Variants in PCDHGB2 observed in about 807,000 individuals in gnomAD.
PCDHGB2 encodes protocadherin gamma subfamily B, 2, also known as protocadherin gamma-B2.
PCDHGB2 carries 55 observed loss-of-function variants against 59.3 expected under a neutral mutation model. The observed-to-expected ratio is 0.93, with a 90% CI of 0.75 to 1.16. PCDHGB2 has a LOEUF of 1.16. Among genes scored for constraint, PCDHGB2 ranks in the 50% most tolerant of loss-of-function variants. The probability of loss-of-function intolerance (pLI) is 0.00; values close to 1 mark genes in which losing one functional copy is unlikely to be tolerated. For synonymous variants in PCDHGB2, 516 were observed against 512.0 expected, an observed-to-expected ratio of 1.01 and a Z score of -0.11; for missense variants, 1,228 against 1,198.5, an observed-to-expected ratio of 1.02 and a Z score of -0.36.
rs1308015959 is a variant in PCDHGB2, at chr5:141,482,105, AT to A, written c.2422-12701del. Among the ~76,000 whole-genome samples, 417 of 143,332 alleles carry A rather than the reference AT, an allele frequency of 2.9e-3. 1 individual carries two copies. The highest frequency in any genetic ancestry group is 0.011 in the African/African-American group (394 of 37,394). 94.0% of individuals were successfully genotyped at this position (143,332 alleles called of 152,430 possible). Reference sequence around the variant, plus strand: ...ACTCCATCTCAAAAAAAAAAAAAAAATATCTAGAGATGGGAGAATCATATGG... The same window carrying A: ...ACTCCATCTCAAAAAAAAAAAAAAAAATCTAGAGATGGGAGAATCATATGG... On this transcript the variant is annotated intron_variant, in intron 1 of 3. Coordinates refer to ENST00000522605, the MANE Select transcript of PCDHGB2 (RefSeq NM_018923.3).
At chr5:141,408,716 A>G in intron 1 of PCDHGB2, 2 of 1,611,732 alleles carry the variant, frequency 1.2e-6, no homozygotes, top group East Asian at 2.2e-5. Context: ...AGATTATAAG[A>G]TAAACTCTAA....
At chr5:141,395,259 C>CT in intron 1 of PCDHGB2, 1 of 1,551,968 alleles carries the variant, frequency 6.4e-7, no homozygotes, top group Non-Finnish European at 8.7e-7. Flanking sequence ...TCTTTGCTTG[C>CT]TTTTAATTTC....
At chr5:141,410,085 C>T (rs533911183) in intron 1 of PCDHGB2, 29 of 1,612,476 alleles carry the variant, frequency 1.8e-5, no homozygotes, top group South Asian at 1.1e-5. Flanking sequence ...GAGGTGCGCA[C>T]GGCTCGAGCC....
At chr5:141,437,459 C>T (rs749625924) in intron 1 of PCDHGB2, among the ~76,000 whole-genome samples, 1 of 152,140 alleles carries the variant, frequency 6.6e-6, no homozygotes, top group Admixed American at 6.5e-5. Context: ...GGAGACTATA[C>T]TATACTTTTA....
At chr5:141,444,434 G>A (rs761353277) in intron 1 of PCDHGB2, among the ~76,000 whole-genome samples, 16 of 152,196 alleles carry the variant, frequency 1.1e-4, no homozygotes, top group Admixed American at 7.2e-4. Flanking sequence ...GCCTCCCAAA[G>A]TGCTGGGATT....
At chr5:141,439,077 C>T (rs978045948) in intron 1 of PCDHGB2, among the ~76,000 whole-genome samples, 1 of 151,492 alleles carries the variant, frequency 6.6e-6, no homozygotes, top group Non-Finnish European at 1.5e-5. Flanking sequence ...CCTGTAATCC[C>T]AGCTACTCAG....
intron 1 of PCDHGB2, among the ~76,000 whole-genome samples, chr5:141,465,396 C>A (rs2099102528): frequency 6.6e-6 from 1 of 152,054 alleles, no homozygotes; most frequent in Admixed American, 6.6e-5. Context: ...AAAAACAAGT[C>A]AGAAGAAGCC....
At chr5:141,415,709 C>A in intron 1 of PCDHGB2, 1 of 1,092,276 alleles carries the variant, frequency 9.2e-7, no homozygotes, top group Non-Finnish European at 1.3e-6. Context: ...AATGCTAAAA[C>A]ACTGATGAGT....
intron 1 of PCDHGB2, chr5:141,426,680 T>C (rs1261836011): frequency 2.3e-6 from 1 of 431,334 alleles, no homozygotes; most frequent in East Asian, 7.2e-5. Flanking sequence ...CACCTCATTT[T>C]CCCCAAAATA....
chr5:141,361,468 G>A lies in PCDHGB2; in HGVS notation c.1333G>A (p.Val445Ile), dbSNP rs781508901. 3.1e-6 allele frequency: 5 copies of A among 1,614,008 alleles called. No homozygotes were observed. Among genetic ancestry groups the A allele is most frequent in the East Asian group, 2.2e-5 (1 of 44,880 alleles). Residue 445 changes from valine (V) to isoleucine (I), a missense_variant, in exon 1 of 4, where the codon GTC (valine) becomes ATC (isoleucine). Val to Ile is a conservative substitution (Grantham distance 29). Around this residue, in one of 3 missense-constraint regions of PCDHGB2, gnomAD observed 781 missense variants for 721.6 expected, o/e 1.08. Coordinates refer to ENST00000522605, the MANE Select transcript of PCDHGB2 (RefSeq NM_018923.3). ...SIIVTLHISDVNDNAPVFQQT... is the reference protein window; with the variant it reads ...SIIVTLHISDINDNAPVFQQT... ...AATTGTCACCCTGCACATCTCCGAC[G>A]TCAACGATAATGCCCCAGTTTTCCA...
chr5:141,393,071 C>T (rs927273885), intron 1 of PCDHGB2: 3 of 1,613,680 alleles, frequency 1.9e-6, no homozygotes, highest in Non-Finnish European at 2.5e-6. Context: ...GCTTGATCAC[C>T]GCGGGCAGGA....
chr5:141,386,716 C>A (rs2090679680), intron 1 of PCDHGB2, among the ~76,000 whole-genome samples: 1 of 152,024 alleles, frequency 6.6e-6, no homozygotes. Context: ...TTGCTGACAC[C>A]AACAATGTTA....
intron 1 of PCDHGB2, chr5:141,365,748 CTG>C: frequency 6.2e-7 from 1 of 1,613,834 alleles, no homozygotes; most frequent in Non-Finnish European, 8.5e-7. Context: ...TCTATCTTCT[CTG>C]TGACAGCCCA....
At position 141,487,493 on chromosome 5, in the gene PCDHGB2, C is replaced by A. The variant is rs1372433097; in HGVS notation, c.2422-7314C>A. 5.6e-6 allele frequency: 9 copies of A among 1,614,050 alleles called. No individual in the cohort carries two copies. The highest frequency in any genetic ancestry group is 6.8e-6 in the Non-Finnish European group (8 of 1,180,034). On this transcript the variant is annotated intron_variant, in intron 1 of 3. Coordinates refer to ENST00000522605, the MANE Select transcript of PCDHGB2 (RefSeq NM_018923.3). This position sits in a 1 kb window ranked among gnomAD's most constrained non-coding sequence, Gnocchi z 5.0. ...GGGAGGCCACTCTCATGGCTGTACACCCTTGGCTTCTGCACCCACTCGGAG... is the reference window on the plus strand; with the variant it reads ...GGGAGGCCACTCTCATGGCTGTACAACCTTGGCTTCTGCACCCACTCGGAG...
chr5:141,448,903 C>A (rs1460471063), intron 1 of PCDHGB2, among the ~76,000 whole-genome samples: 2 of 152,112 alleles, frequency 1.3e-5, no homozygotes, highest in Non-Finnish European at 2.9e-5. Context: ...CGAGATCGTG[C>A]CACTGCACTC....
At chr5:141,380,354 T>G (rs1776410216) in intron 1 of PCDHGB2, among the ~76,000 whole-genome samples, 1 of 152,154 alleles carries the variant, frequency 6.6e-6, no homozygotes, top group Admixed American at 6.5e-5. Context: ...TTGTTGTTTG[T>G]TTTTTAGAAA....
At position 141,408,970 on chromosome 5, in the gene PCDHGB2, C is replaced by T. The variant is rs755949698; in HGVS notation, c.2421+46414C>T. The stretch of plus-strand genomic sequence containing the variant: ...GAATTAGTCTTAGTGAAAATCTGCC[C>T]CCTGGGTCCCCTGTGTTGCAAGTGA... On this transcript the variant is annotated intron_variant, in intron 1 of 3. Coordinates refer to ENST00000522605, the MANE Select transcript of PCDHGB2 (RefSeq NM_018923.3). 10 of 1,613,770 alleles carry T rather than the reference C, an allele frequency of 6.2e-6. No homozygotes were observed. The South Asian group carries it at 1.1e-4, about 18-fold the overall frequency.
Position 141,487,532 on chromosome 5 carries a change from A to C in PCDHGB2, c.2422-7275A>C. 6.2e-7 allele frequency: 1 copy of C among 1,614,158 alleles called. No homozygotes were observed. Among genetic ancestry groups the C allele is most frequent in the Non-Finnish European group, 8.5e-7 (1 of 1,180,022 alleles). On this transcript the variant is annotated intron_variant, in intron 1 of 3. Transcript: ENST00000522605. This position sits in a 1 kb window ranked among gnomAD's most constrained non-coding sequence, Gnocchi z 5.0. Reference sequence around the variant, plus strand: ...ACCCACTCGGAGTGATAGCTTCATGATGGTGAAGTCACCCAGTGCACCTAT... The same window carrying C: ...ACCCACTCGGAGTGATAGCTTCATGCTGGTGAAGTCACCCAGTGCACCTAT...
chr5:141,425,426 A>T (rs1227154364), intron 1 of PCDHGB2, among the ~76,000 whole-genome samples: 1 of 152,236 alleles, frequency 6.6e-6, no homozygotes, highest in African/African-American at 2.4e-5. Flanking sequence ...AGTCCCATTA[A>T]ATAGAGGATA....
Sources: allele counts gnomAD v4.1 joint callset (sites outside exome capture counted in the v4.1 genomes callset), GRCh38; gene constraint gnomAD v4.1.1; regional missense constraint gnomAD v4.1.1; non-coding constraint Gnocchi (gnomAD v3.1); transcripts MANE v1.5; gene names NCBI Gene and HGNC (gene_info 2026-07-23, HGNC 2026-07-21).